TPH2: variants seen among roughly 807,000 people sequenced by gnomAD.
TPH2 encodes the protein tryptophan 5-hydroxylase 2.
TPH2 carries 27 observed loss-of-function variants against 59.1 expected under a neutral mutation model. That is an observed-to-expected ratio of 0.46 (90% confidence interval 0.34 to 0.63). The LOEUF is 0.63. Ranked by LOEUF, TPH2 falls within the 30% of genes least tolerant of loss-of-function variation. TPH2 has a pLI of 0.01. For synonymous variants in TPH2, 220 were observed against 210.5 expected, an observed-to-expected ratio of 1.05 and a Z score of -0.39; for missense variants, 523 against 588.3, an observed-to-expected ratio of 0.89 and a Z score of 1.15.
At chr12:72,021,815 T>C (rs2139244763) in intron 8 of TPH2, among the ~76,000 whole-genome samples, 1 of 152,340 alleles carries the variant, frequency 6.6e-6, no homozygotes, top group African/African-American at 2.4e-5. Context: ...TTTAAGATTT[T>C]ACTAAAAAAG....
chr12:71,949,622 A>G lies in TPH2; in HGVS notation c.575A>G (p.Lys192Arg). 1 of 1,613,272 alleles carries G rather than the reference A, an allele frequency of 6.2e-7. No individual in the cohort carries two copies. The highest frequency in any genetic ancestry group is 8.5e-7 in the Non-Finnish European group (1 of 1,179,356). The change falls in exon 5 of 11, where the codon AAG becomes AGG. Residue 192 changes from lysine to arginine, a missense_variant. By Grantham distance (26) the Lys-to-Arg change is conservative. Coordinates refer to ENST00000333850, the MANE Select transcript of TPH2 (RefSeq NM_173353.4). ...FKDNVYRQRRKYFVDVAMGYK... is the reference protein window; with the variant it reads ...FKDNVYRQRRRYFVDVAMGYK... ...GACAATGTCTATCGACAGAGAAGAA[A>G]GTATTTTGTGGATGTGGCCATGGGT...
chr12:71,955,482 C>T (rs979797362), intron 5 of TPH2, among the ~76,000 whole-genome samples: 9 of 152,206 alleles, frequency 5.9e-5, no homozygotes, highest in East Asian at 1.9e-4. Context: ...TGAGAGGCAG[C>T]GTGTGAAGCT....
At chr12:71,981,167 T>G (rs1211284624) in intron 7 of TPH2, among the ~76,000 whole-genome samples, 2 of 152,138 alleles carry the variant, frequency 1.3e-5, no homozygotes, top group Non-Finnish European at 2.9e-5. Context: ...GGGGAGGCTT[T>G]GCAAGTCAGG....
intron 9 of TPH2, among the ~76,000 whole-genome samples, chr12:72,025,942 T>G (rs1324669963): frequency 6.6e-6 from 1 of 152,194 alleles, no homozygotes; most frequent in East Asian, 1.9e-4. Flanking sequence ...AAATTGATGG[T>G]CCAAGATTTC....
At chr12:71,994,607 A>G (rs1380236427) in intron 8 of TPH2, 42 bp downstream of exon 8, 2 of 1,610,696 alleles carry the variant, frequency 1.2e-6, no homozygotes, top group South Asian at 1.1e-5. Flanking sequence ...ATTTATGTCC[A>G]TTTGTAAGGT....
At chr12:72,005,262 G>A (rs1389830705) in intron 8 of TPH2, among the ~76,000 whole-genome samples, 3 of 152,058 alleles carry the variant, frequency 2.0e-5, no homozygotes, top group African/African-American at 2.4e-5. Context: ...CCTTTAGAAC[G>A]TCCATAAAAA....
chr12:72,011,904 G>A (rs1453288512), intron 8 of TPH2, among the ~76,000 whole-genome samples: 1 of 152,194 alleles, frequency 6.6e-6, no homozygotes, highest in Non-Finnish European at 1.5e-5. Context: ...GGAGTAGAGA[G>A]AGAGGTCAAA....
intron 4 of TPH2, among the ~76,000 whole-genome samples, chr12:71,947,087 G>T (rs1437249720): frequency 1.3e-5 from 2 of 152,152 alleles, no homozygotes; most frequent in African/African-American, 4.8e-5. Flanking sequence ...AACTTTCAGG[G>T]ATGGCCCAGG....
chr12:72,023,821 G>GAAAAAAAAAAAAAAAAAAAA (rs767208238), intron 9 of TPH2, among the ~76,000 whole-genome samples: 1 of 27,930 alleles, frequency 3.6e-5, no homozygotes, highest in Non-Finnish European at 8.4e-5. Context: ...GACTCTGACA[G>GAAAAAAAAAAAAAAAAAAAA]AAAAAAAAAA....
At chr12:72,011,648 C>T (rs1200805285) in intron 8 of TPH2, among the ~76,000 whole-genome samples, 1 of 152,206 alleles carries the variant, frequency 6.6e-6, no homozygotes, top group Non-Finnish European at 1.5e-5. Flanking sequence ...AAAAACTTTC[C>T]CCCTGACATT....
chr12:71,938,934 T>TCA lies in TPH2; in HGVS notation c.-53_-52insCA. 3 of 1,466,288 alleles carry TCA rather than the reference T, an allele frequency of 2.0e-6. No individual in the cohort carries two copies. The South Asian group carries it at 3.4e-5, about 17-fold the overall frequency. The allele number at this position is 1,466,288 out of a possible 1,614,324, so 90.8% of individuals were successfully genotyped here. ...TCCTCTCAATCTCCGCCAGCGCTGC[T>TCA]ACTGCCCCTCTAGTACCCCCTGCTG... On this transcript the variant is annotated 5_prime_UTR_variant, in exon 1 of 11. Coordinates refer to ENST00000333850, the MANE Select transcript of TPH2 (RefSeq NM_173353.4).
chr12:71,973,064 G>A (rs1050767878), intron 6 of TPH2, among the ~76,000 whole-genome samples: 2 of 152,176 alleles, frequency 1.3e-5, no homozygotes, highest in African/African-American at 2.4e-5. Context: ...TATTTGCTTT[G>A]TTAAAAAGTA....
intron 7 of TPH2, among the ~76,000 whole-genome samples, chr12:71,993,004 A>G (rs1872615701): frequency 6.6e-6 from 1 of 152,236 alleles, no homozygotes; most frequent in African/African-American, 2.4e-5. Context: ...CAGTTCATGT[A>G]CCAAAAAAGA....
chr12:71,973,095 T>G (rs890878142), intron 6 of TPH2, among the ~76,000 whole-genome samples: 1 of 152,232 alleles, frequency 6.6e-6, no homozygotes, highest in Non-Finnish European at 1.5e-5. Context: ...GATGATATTT[T>G]ATGGATAATG....
intron 8 of TPH2, among the ~76,000 whole-genome samples, chr12:72,000,698 C>T (rs1222871683): frequency 6.6e-6 from 1 of 152,172 alleles, no homozygotes; most frequent in African/African-American, 2.4e-5. Flanking sequence ...CAGGATATCA[C>T]CAGATAAATA....
chr12:71,966,251 T>C (rs78380199), intron 5 of TPH2, among the ~76,000 whole-genome samples: 1 of 119,598 alleles, frequency 8.4e-6, no homozygotes, highest in Non-Finnish European at 1.6e-5. Flanking sequence ...TGTCTAAATC[T>C]TTTTTTTTTT....
chr12:71,952,213 T>C (rs192993642), intron 5 of TPH2, among the ~76,000 whole-genome samples: 94 of 152,268 alleles, frequency 6.2e-4, no homozygotes, highest in African/African-American at 2.1e-3. Flanking sequence ...AACAAGAGTT[T>C]GCGTTTGCCA....
chr12:71,953,950 G>C (rs1287337616), intron 5 of TPH2, among the ~76,000 whole-genome samples: 1 of 152,108 alleles, frequency 6.6e-6, no homozygotes, highest in Non-Finnish European at 1.5e-5. Flanking sequence ...TAAAGGTAAG[G>C]AGAAGGCAAA....
chr12:72,023,258 C>T (rs1249703619), intron 9 of TPH2, among the ~76,000 whole-genome samples: 1 of 152,160 alleles, frequency 6.6e-6, no homozygotes, highest in Non-Finnish European at 1.5e-5. Flanking sequence ...CTTTCTTTGA[C>T]TATTCAGACT....
Sources: allele counts gnomAD v4.1 joint callset (sites outside exome capture counted in the v4.1 genomes callset), GRCh38; gene constraint gnomAD v4.1.1; transcripts MANE v1.5; gene names NCBI Gene and HGNC (gene_info 2026-07-23, HGNC 2026-07-21).